The following NTM variants were observed in gnomAD, a reference collection of about 807,000 sequenced individuals.
The protein encoded by NTM is IgLON family member 2.
NTM carries 13 observed loss-of-function variants against 42.1 expected under a neutral mutation model. The ratio of observed to expected loss-of-function variants is 0.31; its 90% CI spans 0.20 to 0.49. NTM has a LOEUF of 0.49. Among genes scored for constraint, NTM ranks in the 20% least tolerant of loss-of-function variants. The probability of loss-of-function intolerance (pLI) is 0.99; values close to 1 mark genes in which losing one functional copy is unlikely to be tolerated. For missense variants in NTM, 373 were observed against 452.8 expected, an observed-to-expected ratio of 0.82 and a Z score of 1.60; for synonymous variants, 187 against 179.2, an observed-to-expected ratio of 1.04 and a Z score of -0.35.
At chr11:132,320,778 C>G (rs546050683) in intron 7 of NTM, among the ~76,000 whole-genome samples, 2 of 151,704 alleles carry the variant, frequency 1.3e-5, no homozygotes, top group African/African-American at 4.9e-5. Flanking sequence ...ATGTCCCTGT[C>G]TGACAGCTTT....
At chr11:131,768,128 T>A (rs1255300736) in intron 1 of NTM, among the ~76,000 whole-genome samples, 1 of 150,904 alleles carries the variant, frequency 6.6e-6, no homozygotes, top group Non-Finnish European at 1.5e-5. Context: ...CTTATTTTTT[T>A]TTTTTTTTTT....
intron 1 of NTM, among the ~76,000 whole-genome samples, chr11:131,606,990 A>G (rs1335580639): frequency 6.6e-6 from 1 of 152,114 alleles, no homozygotes; most frequent in Non-Finnish European, 1.5e-5. Context: ...CTGAGCCCCC[A>G]TCGTGATCAT....
chr11:132,168,930 A>C (rs575026615), intron 3 of NTM, among the ~76,000 whole-genome samples: 5 of 152,312 alleles, frequency 3.3e-5, no homozygotes, highest in Non-Finnish European at 7.4e-5. Context: ...CCTGGGATTC[A>C]GGTTGTAGTG....
chr11:131,721,777 G>C (rs1178388606), intron 1 of NTM, among the ~76,000 whole-genome samples: 1 of 151,872 alleles, frequency 6.6e-6, no homozygotes, highest in Non-Finnish European at 1.5e-5. Context: ...TGGGAGGATC[G>C]TCTGAGGTCG....
At chr11:131,487,907 G>C (rs1455619570) in intron 1 of NTM, among the ~76,000 whole-genome samples, 3 of 152,198 alleles carry the variant, frequency 2.0e-5, no homozygotes, top group African/African-American at 7.2e-5. Context: ...CATTTGCCAA[G>C]TTCAACTAGA....
At chr11:132,113,697 T>C (rs981016894) in intron 2 of NTM, among the ~76,000 whole-genome samples, 2 of 152,210 alleles carry the variant, frequency 1.3e-5, no homozygotes, top group African/African-American at 4.8e-5. Context: ...CAATTGGATC[T>C]GGAAATGATT....
rs536005207 is a variant in NTM, at chr11:131,948,157, C to A, written c.167+36509C>A. Among the ~76,000 whole-genome samples, 3 of 151,766 alleles carry A rather than the reference C, an allele frequency of 2.0e-5. No individual in the cohort carries two copies. In the East Asian group the frequency reaches 5.9e-4, roughly 30 times the overall value. On this transcript the variant is annotated intron_variant, in intron 2 of 8. Coordinates refer to ENST00000683400, the MANE Select transcript of NTM (RefSeq NM_001352005.2). ...TGGGCTGATCACGAGGTCAGGAGAT[C>A]GATACTATCCTGGCTAACACAGTGA...
At chr11:131,418,331 G>A (rs1315518474) in intron 1 of NTM, among the ~76,000 whole-genome samples, 1 of 152,230 alleles carries the variant, frequency 6.6e-6, no homozygotes, top group African/African-American at 2.4e-5. Flanking sequence ...TGGGCTTCAG[G>A]CTGCCACAGC....
intron 2 of NTM, among the ~76,000 whole-genome samples, chr11:131,947,605 G>A (rs1565801008): frequency 6.6e-6 from 1 of 152,154 alleles, no homozygotes; most frequent in Non-Finnish European, 1.5e-5. Flanking sequence ...TAGAACATCT[G>A]TAAGACACAG....
At chr11:131,458,829 C>T (rs147750503) in intron 1 of NTM, among the ~76,000 whole-genome samples, 61 of 152,360 alleles carry the variant, frequency 4.0e-4, no homozygotes, top group African/African-American at 1.4e-3. Flanking sequence ...CTTATTCAAA[C>T]AGTTTTCTGG....
chr11:131,789,631 GA>G lies in NTM; in HGVS notation c.83-121931del, dbSNP rs1565552967. Among the ~76,000 whole-genome samples the G allele has an allele frequency of 2.2e-3, 187 of 84,654 alleles. 38 individuals are homozygous for G. Among genetic ancestry groups the G allele is most frequent in the African/African-American group, 6.1e-3 (121 of 19,984 alleles). 55.5% of individuals were successfully genotyped at this position (84,654 alleles called of 152,430 possible). A position where few individuals can be genotyped will look rare whatever the true frequency, so the allele number is the denominator to read the frequency against. On this transcript the variant is annotated intron_variant, in intron 1 of 8. Transcript: ENST00000683400. ...AGAAGAAGAAGAAGAAGAAGAAGAA[GA>G]AGAAAAGAAGAAGAAGAAGAAGAAG... is the stretch of plus-strand genomic sequence containing the variant.
chr11:132,118,876 C>T (rs2064286392), intron 2 of NTM, among the ~76,000 whole-genome samples: 1 of 151,912 alleles, frequency 6.6e-6, no homozygotes, highest in Non-Finnish European at 1.5e-5. Flanking sequence ...TTTTGTGGTA[C>T]CATAATGCAG....
At chr11:132,100,731 T>C (rs747046536) in intron 2 of NTM, among the ~76,000 whole-genome samples, 1 of 152,156 alleles carries the variant, frequency 6.6e-6, no homozygotes, top group Non-Finnish European at 1.5e-5. Context: ...CCTTCCAGGG[T>C]TCACTACCAG....
chr11:131,463,971 CG>C (rs1194925190), intron 1 of NTM, among the ~76,000 whole-genome samples: 1 of 151,734 alleles, frequency 6.6e-6, no homozygotes, highest in Non-Finnish European at 1.5e-5. Context: ...TAAAGCAGCA[CG>C]AGCCATAATT....
At chr11:131,852,409 A>G (rs927427002) in intron 1 of NTM, among the ~76,000 whole-genome samples, 10 of 152,230 alleles carry the variant, frequency 6.6e-5, no homozygotes, top group African/African-American at 1.9e-4. Context: ...TTACATTTCA[A>G]TACAATCCAT....
At chr11:132,291,107 G>C (rs746907536) in intron 4 of NTM, among the ~76,000 whole-genome samples, 1 of 152,030 alleles carries the variant, frequency 6.6e-6, no homozygotes, top group African/African-American at 2.4e-5. Context: ...AGATGTTGAC[G>C]CCTACCTAAT....
chr11:131,793,059 C>T (rs952919722), intron 1 of NTM, among the ~76,000 whole-genome samples: 26 of 152,268 alleles, frequency 1.7e-4, no homozygotes, highest in African/African-American at 6.0e-4. Flanking sequence ...CGCTCCTTAG[C>T]GAGAATCGCC....
In NTM at chr11:132,146,545, G is replaced by A. The variant is rs761188877; in HGVS notation, c.400+31G>A. 6.8e-6 allele frequency: 11 copies of A among 1,607,102 alleles called. No homozygotes were observed. The highest frequency in any genetic ancestry group is 8.5e-6 in the Non-Finnish European group (10 of 1,175,192). ...TGGGCGGGGCTTGGCGGGGAGATCT[G>A]GCTGGCCAGCCTGGAAAGCCTTCAG... is the stretch of plus-strand genomic sequence containing the variant. On this transcript the variant is annotated intron_variant, in intron 3 of 8. Transcript: ENST00000683400. This position sits in a 1 kb window ranked among gnomAD's most constrained non-coding sequence, Gnocchi z 4.5.
chr11:131,519,166 C>T (rs536926227), intron 1 of NTM, among the ~76,000 whole-genome samples: 89 of 152,076 alleles, frequency 5.9e-4, no homozygotes, highest in Admixed American at 7.2e-4. Context: ...CCCTGAGTTT[C>T]AAATTGAGAG....
Sources: allele counts gnomAD v4.1 joint callset (sites outside exome capture counted in the v4.1 genomes callset), GRCh38; gene constraint gnomAD v4.1.1; non-coding constraint Gnocchi (gnomAD v3.1); transcripts MANE v1.5; gene names NCBI Gene and HGNC (gene_info 2026-07-23, HGNC 2026-07-21).